LCT: variants seen among roughly 807,000 people sequenced by gnomAD.
The protein encoded by LCT is lactase/phlorizin hydrolase.
LCT carries 90 observed loss-of-function variants against 173.0 expected under a neutral mutation model. The ratio of observed to expected loss-of-function variants is 0.52; its 90% CI spans 0.44 to 0.62. LCT has a LOEUF of 0.62. LCT is among the 20% of genes least tolerant of loss of function. The pLI, the probability that LCT is intolerant of heterozygous loss-of-function variation, is 0.00. For synonymous variants in LCT, 853 were observed against 957.6 expected, an observed-to-expected ratio of 0.89 and a Z score of 2.02; for missense variants, 1,864 against 2,431.4, an observed-to-expected ratio of 0.77 and a Z score of 4.91.
In LCT at chr2:135,790,957, G is replaced by A; in HGVS notation, c.5112-76C>T. 1 of 1,082,052 alleles carries A rather than the reference G, an allele frequency of 9.2e-7. No individual in the cohort carries two copies. Among genetic ancestry groups the A allele is most frequent in the Non-Finnish European group, 1.4e-6 (1 of 702,996 alleles). 67.0% of individuals were successfully genotyped at this position (1,082,052 alleles called of 1,614,324 possible). On this transcript the variant is annotated intron_variant, in intron 14 of 16. Transcript: ENST00000264162. The surrounding 1 kb of genome is among the most constrained non-coding windows in gnomAD (Gnocchi z 4.1). ...GCCCTTTACACGAAACACAAAACAG[G>A]ACTTAGACCAGGAAAAGCCTTAGGT...
intron 3 of LCT, among the ~76,000 whole-genome samples, chr2:135,824,953 C>T (rs1465766539): frequency 2.0e-5 from 3 of 146,574 alleles, no homozygotes; most frequent in African/African-American, 7.6e-5. Flanking sequence ...CAGTGAACCG[C>T]TGCACTTCAG....
In LCT at chr2:135,808,764, T is replaced by G; in HGVS notation, c.3583A>C (p.Arg1195=). The change falls in exon 8 of 17, where the codon AGG becomes CGG. Residue 1195 remains arginine (R), a synonymous_variant. Coordinates refer to ENST00000264162, the MANE Select transcript of LCT (RefSeq NM_002299.4). ...RLPSFTEEEK[R]FIRATADVFC... ...ACGTCGGCCGTCGCCCTGATGAACC[T>G]CTTCTCTTCCTCAGTGAAGCTTGGC... The G allele has an allele frequency of 4.3e-6, 7 of 1,614,082 alleles. No individual in the cohort carries two copies. The highest frequency in any genetic ancestry group is 5.9e-6 in the Non-Finnish European group (7 of 1,179,934).
chr2:135,788,630 T>C, intron 16 of LCT, 86 bp from the exon 17 acceptor site: 1 of 882,872 alleles, frequency 1.1e-6, no homozygotes, highest in Non-Finnish European at 1.9e-6. Context: ...GGCTGCACGG[T>C]ACCCCAAATC....
chr2:135,794,380 A>C (rs2077560633), intron 14 of LCT: 1 of 455,958 alleles, frequency 2.2e-6, no homozygotes, highest in African/African-American at 1.9e-5. Context: ...CAAAATAAAT[A>C]AATTTTAAAA....
Position 135,808,704 on chromosome 2 carries a change from G to A in LCT, c.3643C>T (p.Gln1215Ter). The change falls in exon 8 of 17, where the codon CAG becomes TAG. Residue 1215 changes from glutamine to a stop codon, truncating the protein, a stop_gained. Transcript: ENST00000264162. LOFTEE classifies it high-confidence loss of function. ...CLNTYYSRIVQHKTPRLNPPS... is the reference protein window; with the variant it reads ...CLNTYYSRIV ...GGGTTTAGCCTGGGTGTTTTGTGCT[G>A]CACGATTCTGGAGTAGTACGTGTTG... is the stretch of plus-strand genomic sequence containing the variant. The A allele has an allele frequency of 6.2e-7, 1 of 1,614,232 alleles. No homozygotes were observed. Among genetic ancestry groups the A allele is most frequent in the Non-Finnish European group, 8.5e-7 (1 of 1,180,028 alleles).
At chr2:135,810,889 T>TGGG (rs2077729519) in intron 7 of LCT, among the ~76,000 whole-genome samples, 2 of 151,760 alleles carry the variant, frequency 1.3e-5, no homozygotes, top group African/African-American at 4.8e-5. Context: ...TAGCCGGGCG[T>TGGG]GGTGACGGGA....
At chr2:135,806,202 C>T (rs983592808) in intron 9 of LCT, among the ~76,000 whole-genome samples, 2 of 152,152 alleles carry the variant, frequency 1.3e-5, no homozygotes, top group South Asian at 4.2e-4. Flanking sequence ...CTTGCCCAGG[C>T]TGGTTTTGAA....
chr2:135,791,433 G>A (rs1272282346), intron 14 of LCT, among the ~76,000 whole-genome samples: 2 of 152,250 alleles, frequency 1.3e-5, no homozygotes, highest in African/African-American at 4.8e-5. Context: ...AGTGATGGAC[G>A]AGGAGGTGGA....
chr2:135,793,148 C>T (rs1024141768), intron 14 of LCT, among the ~76,000 whole-genome samples: 14 of 152,202 alleles, frequency 9.2e-5, no homozygotes, highest in Non-Finnish European at 2.1e-4. Flanking sequence ...CTTCACTGCT[C>T]GCATAACCAG....
Position 135,809,510 on chromosome 2 carries a change from T to C in LCT, c.2837A>G (p.Asn946Ser), listed in dbSNP as rs780755651. The change falls in exon 8 of 17, where the codon AAT becomes AGT. Residue 946 changes from asparagine (N) to serine (S), a missense_variant. By Grantham distance (46) the Asn-to-Ser change is conservative (BLOSUM62 1). Transcript: ENST00000264162. The surrounding 1 kb of genome is among the most constrained non-coding windows in gnomAD (Gnocchi z 5.5). ...GTCACAGGCGATGTCTCCAGTGGCA[T>C]TGTCTTTCACATTGCTCCCTGGTGT... ...THTPGSNVKDNATGDIACDSY... is the reference protein window; with the variant it reads ...THTPGSNVKDSATGDIACDSY... 4 of 1,614,240 alleles carry C rather than the reference T, an allele frequency of 2.5e-6. No homozygotes were observed. The South Asian group carries it at 3.3e-5, about 13-fold the overall frequency.
intron 6 of LCT, among the ~76,000 whole-genome samples, chr2:135,814,601 C>T (rs2077764155): frequency 6.6e-6 from 1 of 151,786 alleles, no homozygotes; most frequent in African/African-American, 2.4e-5. Context: ...ACCACAACCT[C>T]TACCTCCTAG....
intron 13 of LCT, among the ~76,000 whole-genome samples, chr2:135,796,802 C>T (rs1160728346): frequency 2.6e-5 from 4 of 152,098 alleles, no homozygotes. Context: ...GGTAGGTGCT[C>T]GGCAAAGTTG....
intron 2 of LCT, among the ~76,000 whole-genome samples, chr2:135,831,566 A>AT (rs2077940180): frequency 6.6e-6 from 1 of 152,074 alleles, no homozygotes; most frequent in Non-Finnish European, 1.5e-5. Context: ...CTCGACAAGC[A>AT]TTTTTCTGAT....
Position 135,809,395 on chromosome 2 carries a change from G to A in LCT, c.2952C>T (p.Phe984=), listed in dbSNP as rs780246273. The A allele has an allele frequency of 1.2e-6, 2 of 1,614,220 alleles. No homozygotes were observed. The highest frequency in any genetic ancestry group is 1.3e-5 in the African/African-American group (1 of 75,068). The part of the protein sequence containing the change: ...YRFSISWSRI[F]PTGRNSSINS... ...TGATAGAGCTGTTTCTCCCAGTTGG[G>A]AAAATCCGAGACCAGGAGATAGAGA... The change falls in exon 8 of 17, where the codon TTC becomes TTT. Residue 984 remains phenylalanine, a synonymous_variant. Transcript: ENST00000264162. The surrounding 1 kb of genome is among the most constrained non-coding windows in gnomAD (Gnocchi z 5.5).
At position 135,823,912 on chromosome 2, in the gene LCT, C is replaced by A; in HGVS notation, c.896G>T (p.Ser299Ile). The A allele has an allele frequency of 6.2e-7, 1 of 1,611,152 alleles. No homozygotes were observed. The highest frequency in any genetic ancestry group is 8.5e-7 in the Non-Finnish European group (1 of 1,177,260). ...AATGGCCCACTCACCTTCAAAAAGG[C>A]TGAAGAGCAGACTGGCTGGGTTCTT... Reference protein sequence around the residue: ...TMKNPASLLFSLFEAINKDQV... With the variant: ...TMKNPASLLFILFEAINKDQV... The change falls in exon 4 of 17, where the codon AGC becomes ATC. Residue 299 changes from serine to isoleucine, a missense_variant. Coordinates refer to ENST00000264162, the MANE Select transcript of LCT (RefSeq NM_002299.4).
rs780621823 is a variant in LCT, at chr2:135,789,816, AC to A, written c.5336-19del. 3.7e-6 allele frequency: 6 copies of A among 1,603,086 alleles called. No homozygotes were observed. The highest frequency in any genetic ancestry group is 5.1e-6 in the Non-Finnish European group (6 of 1,169,962). ...CTGCACAGCTGCTCAAACACAGAGG[AC>A]TAGGCATAAGTTTCCTATCTCATAA... On this transcript the variant is annotated intron_variant, in intron 15 of 16. Transcript: ENST00000264162.
intron 5 of LCT, among the ~76,000 whole-genome samples, chr2:135,819,178 T>G (rs2077807908): frequency 2.6e-5 from 4 of 152,258 alleles, no homozygotes; most frequent in Admixed American, 2.0e-4. Context: ...TATATGCATG[T>G]ACATATGTAT....
intron 7 of LCT, among the ~76,000 whole-genome samples, chr2:135,812,030 G>A (rs943208643): frequency 3.3e-5 from 5 of 152,168 alleles, no homozygotes; most frequent in Non-Finnish European, 7.3e-5. Context: ...AGTGAGCGAT[G>A]TTTATGCCAC....
At position 135,790,684 on chromosome 2, in the gene LCT, C is replaced by G. The variant is rs537960268; in HGVS notation, c.5309G>C (p.Arg1770Pro). 6.2e-7 allele frequency: 1 copy of G among 1,612,408 alleles called. No homozygotes were observed. Among genetic ancestry groups the G allele is most frequent in the Non-Finnish European group, 8.5e-7 (1 of 1,179,522 alleles). Reference sequence around the variant, plus strand: ...TTTGAGGGCCTCATTGATGTAAGTCCGAAGGTAGTAGATCCTTGCAGTGTC... The same window carrying G: ...TTTGAGGGCCTCATTGATGTAAGTCGGAAGGTAGTAGATCCTTGCAGTGTC... ...LNDTARIYYL[R>P]TYINEALKAV... Residue 1770 changes from arginine (R) to proline (P), a missense_variant, in exon 15 of 17, where the codon CGG becomes CCG. This residue lies in a region of LCT where 514 missense variants were observed against 750.1 expected (regional missense o/e 0.69). Coordinates refer to ENST00000264162, the MANE Select transcript of LCT (RefSeq NM_002299.4). This position sits in a 1 kb window ranked among gnomAD's most constrained non-coding sequence, Gnocchi z 4.1.
Sources: allele counts gnomAD v4.1 joint callset (sites outside exome capture counted in the v4.1 genomes callset), GRCh38; gene constraint gnomAD v4.1.1; regional missense constraint gnomAD v4.1.1; non-coding constraint Gnocchi (gnomAD v3.1); transcripts MANE v1.5; gene names NCBI Gene and HGNC (gene_info 2026-07-23, HGNC 2026-07-21).